Variants in CTNNA2 observed in about 807,000 individuals in gnomAD.
CTNNA2 encodes the protein catenin alpha-2.
Under a neutral mutation model 101.0 loss-of-function variants are expected in CTNNA2, and 42 were observed. The ratio of observed to expected loss-of-function variants is 0.42; its 90% CI spans 0.32 to 0.54. The LOEUF (loss-of-function observed/expected upper bound fraction) is 0.54. Ranked by LOEUF, CTNNA2 falls within the 20% of genes least tolerant of loss-of-function variation. The pLI, the probability that CTNNA2 is intolerant of heterozygous loss-of-function variation, is 0.14. For synonymous variants in CTNNA2, 450 were observed against 456.4 expected (o/e 0.99, Z 0.18); for missense variants, 871 against 1,223.1 (o/e 0.71, Z 4.29).
At chr2:79,768,734 T>G (rs1673350606) in intron 3 of CTNNA2, among the ~76,000 whole-genome samples, 1 of 152,112 alleles carries the variant, frequency 6.6e-6, no homozygotes, top group African/African-American at 2.4e-5. Context: ...TTATTAAATA[T>G]GAAGCTTCAT....
Position 79,599,779 on chromosome 2 carries a change from A to AT in CTNNA2, c.-5-51767dup, listed in dbSNP as rs1439281368. Among the ~76,000 whole-genome samples the AT allele has an allele frequency of 2.0e-5, 3 of 152,108 alleles. 1 individual carries two copies. The highest frequency in any genetic ancestry group is 3.9e-4 in the East Asian group (2 of 5,176). On this transcript the variant is annotated intron_variant, in intron 1 of 18. Transcript: ENST00000402739. ...GTTTAAAAAATTTCTTTAAAGTCAC[A>AT]TTTTTTCTGATACCAAGGGAAAGTT... is the stretch of plus-strand genomic sequence containing the variant.
At position 80,398,153 on chromosome 2, in the gene CTNNA2, G is replaced by A. The variant is rs375160530; in HGVS notation, c.1137+4862G>A. Among the ~76,000 whole-genome samples the A allele has an allele frequency of 3.9e-5, 6 of 152,100 alleles. No homozygotes were observed. In the East Asian group the frequency reaches 9.6e-4, roughly 24 times the overall value. ...AAGTGCAATTATGTTTAGGTATCTG[G>A]CCTCTCAAAACATGAATTATAGACT... On this transcript the variant is annotated intron_variant, in intron 8 of 18. Coordinates refer to ENST00000402739, the MANE Select transcript of CTNNA2 (RefSeq NM_001282597.3).
chr2:79,982,250 A>G (rs1484100241), intron 7 of CTNNA2, among the ~76,000 whole-genome samples: 1 of 91,050 alleles, frequency 1.1e-5, no homozygotes, highest in Non-Finnish European at 2.2e-5. Flanking sequence ...ATGTATGTAT[A>G]TGTACACACA....
At chr2:80,235,348 T>C (rs547693450) in intron 7 of CTNNA2, among the ~76,000 whole-genome samples, 3 of 152,278 alleles carry the variant, frequency 2.0e-5, no homozygotes, top group South Asian at 4.1e-4. Context: ...CTAAACACTC[T>C]AGGAGATTTT....
intron 7 of CTNNA2, among the ~76,000 whole-genome samples, chr2:80,243,190 C>T (rs1468781614): frequency 6.6e-6 from 1 of 152,140 alleles, no homozygotes; most frequent in Non-Finnish European, 1.5e-5. Context: ...GGGGTCATCC[C>T]ACAGACACTA....
intron 2 of CTNNA2, among the ~76,000 whole-genome samples, chr2:79,231,688 G>A (rs187004901): frequency 1.2e-4 from 19 of 152,242 alleles, no homozygotes; most frequent in African/African-American, 4.1e-4. Flanking sequence ...TCCAATCCAT[G>A]AGCATGGAAT....
chr2:79,332,601 T>C (rs1005790722), intron 3 of CTNNA2, among the ~76,000 whole-genome samples: 9 of 152,224 alleles, frequency 5.9e-5, no homozygotes, highest in East Asian at 1.9e-4. Flanking sequence ...GAAGCAAGCA[T>C]GTCATGTAGA....
At chr2:80,353,402 C>T (rs946219585) in intron 7 of CTNNA2, among the ~76,000 whole-genome samples, 6 of 152,100 alleles carry the variant, frequency 3.9e-5, no homozygotes, top group African/African-American at 1.4e-4. Flanking sequence ...TGTCAAATAT[C>T]GGACATACCA....
intron 4 of CTNNA2, among the ~76,000 whole-genome samples, chr2:79,500,418 AC>A (rs1383531316): frequency 4.6e-5 from 7 of 152,232 alleles, no homozygotes; most frequent in Non-Finnish European, 7.3e-5. Flanking sequence ...CTCGAGTCAA[AC>A]TTTTATATTC....
chr2:80,630,126 T>G (rs1410297591), intron 18 of CTNNA2, among the ~76,000 whole-genome samples: 2 of 152,138 alleles, frequency 1.3e-5, no homozygotes, highest in African/African-American at 4.8e-5. Flanking sequence ...TGCCTGGTTA[T>G]CCCCAAATCT....
At chr2:79,564,172 T>C (rs886442630) in intron 1 of CTNNA2, among the ~76,000 whole-genome samples, 1 of 152,120 alleles carries the variant, frequency 6.6e-6, no homozygotes, top group Non-Finnish European at 1.5e-5. Flanking sequence ...GAGCTGATAT[T>C]GTAAAGAACA....
At chr2:80,001,060 T>G (rs1053431996) in intron 7 of CTNNA2, among the ~76,000 whole-genome samples, 1 of 152,236 alleles carries the variant, frequency 6.6e-6, no homozygotes, top group Non-Finnish European at 1.5e-5. Context: ...CTGCCTTTAC[T>G]TGTGGCTTGT....
At chr2:80,177,789 T>G (rs1178315418) in intron 7 of CTNNA2, among the ~76,000 whole-genome samples, 1 of 152,186 alleles carries the variant, frequency 6.6e-6, no homozygotes, top group African/African-American at 2.4e-5. Flanking sequence ...TCACCAATTT[T>G]CCAATAATGC....
intron 1 of CTNNA2, among the ~76,000 whole-genome samples, chr2:79,600,306 G>T (rs1400445514): frequency 6.6e-6 from 1 of 152,082 alleles, no homozygotes; most frequent in Non-Finnish European, 1.5e-5. Context: ...CTTCCCAGTA[G>T]CTGGGATTAC....
At chr2:80,276,133 T>C (rs2149148899) in intron 7 of CTNNA2, among the ~76,000 whole-genome samples, 1 of 152,340 alleles carries the variant, frequency 6.6e-6, no homozygotes, top group South Asian at 2.1e-4. Flanking sequence ...AGTCGGATAT[T>C]CAATAAGTGA....
intron 7 of CTNNA2, among the ~76,000 whole-genome samples, chr2:80,106,144 G>T (rs1164398947): frequency 6.6e-6 from 1 of 152,172 alleles, no homozygotes; most frequent in Non-Finnish European, 1.5e-5. Context: ...TGTAGAGGTG[G>T]CATATAGGCA....
chr2:80,535,399 G>A (rs1370959149), intron 9 of CTNNA2, among the ~76,000 whole-genome samples: 1 of 151,956 alleles, frequency 6.6e-6, no homozygotes, highest in East Asian at 1.9e-4. Context: ...ATCTTATGGC[G>A]GTAACATTTG....
At chr2:79,897,046 A>AT (rs901059415) in intron 6 of CTNNA2, among the ~76,000 whole-genome samples, 3 of 152,126 alleles carry the variant, frequency 2.0e-5, no homozygotes, top group Non-Finnish European at 4.4e-5. Flanking sequence ...GTGAGATTAT[A>AT]TTTTTTTTAC....
chr2:79,331,280 C>T (rs1676866126), intron 3 of CTNNA2, among the ~76,000 whole-genome samples: 2 of 152,082 alleles, frequency 1.3e-5, no homozygotes, highest in Non-Finnish European at 2.9e-5. Flanking sequence ...ACCAACATGC[C>T]CTTCTCTTGT....
Sources: allele counts gnomAD v4.1 joint callset (sites outside exome capture counted in the v4.1 genomes callset), GRCh38; gene constraint gnomAD v4.1.1; transcripts MANE v1.5; gene names NCBI Gene and HGNC (gene_info 2026-07-23, HGNC 2026-07-21).